Variants in GRM5 observed in about 807,000 individuals in gnomAD.
GRM5 encodes metabotropic glutamate receptor 5.
GRM5 carries 19 observed loss-of-function variants against 83.1 expected under a neutral mutation model. That is an observed-to-expected ratio of 0.23 (90% confidence interval 0.16 to 0.34). The LOEUF is 0.34. Among genes scored for constraint, GRM5 ranks in the 10% least tolerant of loss-of-function variants. The pLI is 1.00. For synonymous variants in GRM5, 675 were observed against 633.6 expected (o/e 1.07, Z -0.98); for missense variants, 1,160 against 1,588.3 (o/e 0.73, Z 4.58).
Position 88,881,699 on chromosome 11 carries a change from T to C in GRM5, c.662-31544A>G, listed in dbSNP as rs1446081665. ...AGTTCTCATTTAAATAGTGGCCATT[T>C]GTTTTGCTCTTGCTAACTTCAGCTT... On this transcript the variant is annotated intron_variant, in intron 2 of 9. Transcript: ENST00000305447. Among the ~76,000 whole-genome samples, 8 of 152,312 alleles carry C rather than the reference T, an allele frequency of 5.3e-5. No homozygotes were observed. In the East Asian group the frequency reaches 1.5e-3, roughly 29 times the overall value.
intron 3 of GRM5, among the ~76,000 whole-genome samples, chr11:88,832,763 T>C (rs1030254310): frequency 6.6e-5 from 10 of 151,972 alleles, no homozygotes; most frequent in African/African-American, 2.4e-4. Flanking sequence ...ATAGGAAAAA[T>C]GGTACATAGA....
At chr11:89,061,074 A>G (rs1267675920) in intron 1 of GRM5, among the ~76,000 whole-genome samples, 1 of 152,142 alleles carries the variant, frequency 6.6e-6, no homozygotes, top group Admixed American at 6.5e-5. Flanking sequence ...CAGCTTTATC[A>G]TATAACATAT....
intron 2 of GRM5, among the ~76,000 whole-genome samples, chr11:89,015,101 A>G (rs1940817329): frequency 6.6e-6 from 1 of 152,228 alleles, no homozygotes; most frequent in African/African-American, 2.4e-5. Context: ...GTGAGTTTAC[A>G]TATTACATAA....
rs1591375668 is a variant in GRM5 at position 88,603,519 on chromosome 11, A to AT, written c.1394+1198dup. On this transcript the variant is annotated intron_variant, in intron 5 of 9. Coordinates refer to ENST00000305447, the MANE Select transcript of GRM5 (RefSeq NM_001143831.3). Reference sequence around the variant, plus strand: ...TGTTTGGCCCTGAGAAAATGCTTGTATTTTTTTCCTTCATGGATATACGTA... The same window carrying AT: ...TGTTTGGCCCTGAGAAAATGCTTGTATTTTTTTTCCTTCATGGATATACGTA... 2.6e-5 allele frequency among the ~76,000 whole-genome samples: 4 copies of AT among 152,206 alleles called. No individual in the cohort carries two copies. In the South Asian group the frequency reaches 6.2e-4, roughly 24 times the overall value.
intron 3 of GRM5, among the ~76,000 whole-genome samples, chr11:88,700,694 A>T (rs10082580): frequency 0.79 from 120,119 of 152,014 alleles, 51,052 homozygotes; most frequent in Non-Finnish European, 0.96. Context: ...AATGTTGCAC[A>T]AGACAAAGGG....
At chr11:88,521,448 C>T (rs1941686984) in intron 9 of GRM5, among the ~76,000 whole-genome samples, 1 of 152,078 alleles carries the variant, frequency 6.6e-6, no homozygotes, top group African/African-American at 2.4e-5. Flanking sequence ...TCCAAGTACT[C>T]CAATGCCATG....
chr11:88,570,652 T>C (rs1942978776), intron 7 of GRM5, among the ~76,000 whole-genome samples: 1 of 142,938 alleles, frequency 7.0e-6, no homozygotes, highest in Non-Finnish European at 1.5e-5. Context: ...TGATCTTGGC[T>C]CACTGCAACC....
chr11:89,023,904 T>A (rs1357333347), intron 2 of GRM5, among the ~76,000 whole-genome samples: 1 of 149,950 alleles, frequency 6.7e-6, no homozygotes, highest in Admixed American at 6.7e-5. Flanking sequence ...TAAAAATAAA[T>A]TTTAAAATAA....
chr11:88,696,569 T>C (rs922737663), intron 3 of GRM5, among the ~76,000 whole-genome samples: 1 of 152,198 alleles, frequency 6.6e-6, no homozygotes, highest in African/African-American at 2.4e-5. Flanking sequence ...GAAGTGGTCA[T>C]CTGTAAGATA....
intron 4 of GRM5, among the ~76,000 whole-genome samples, chr11:88,628,451 T>A (rs1397416595): frequency 6.6e-6 from 1 of 152,230 alleles, no homozygotes; most frequent in Non-Finnish European, 1.5e-5. Flanking sequence ...AAAGAAATCA[T>A]GTGCCATTTA....
At position 88,619,413 on chromosome 11, in the gene GRM5, A is replaced by G. The variant is rs541618850; in HGVS notation, c.1148-14449T>C. Among the ~76,000 whole-genome samples the G allele has an allele frequency of 1.3e-4, 20 of 152,340 alleles. No individual in the cohort carries two copies. The South Asian group carries it at 4.1e-3, about 32-fold the overall frequency. On this transcript the variant is annotated intron_variant, in intron 4 of 9. Transcript: ENST00000305447. ...TTCTCTTGATAATTCAGAAGATGTG[A>G]CAACACTGGCTCCATATTCTCACAT...
intron 3 of GRM5, among the ~76,000 whole-genome samples, chr11:88,721,054 T>C (rs1276076484): frequency 6.6e-6 from 1 of 152,052 alleles, no homozygotes; most frequent in African/African-American, 2.4e-5. Flanking sequence ...TTTAAGTACA[T>C]TCTTTAACCT....
At chr11:88,825,900 A>G (rs960071059) in intron 3 of GRM5, among the ~76,000 whole-genome samples, 1 of 152,204 alleles carries the variant, frequency 6.6e-6, no homozygotes, top group Admixed American at 6.5e-5. Context: ...GGCATGCCCA[A>G]ACATTACTCT....
intron 8 of GRM5, among the ~76,000 whole-genome samples, chr11:88,545,552 C>T (rs1942369820): frequency 6.6e-6 from 1 of 151,764 alleles, no homozygotes; most frequent in Non-Finnish European, 1.5e-5. Context: ...CAATTTTACC[C>T]TTCAAACCTC....
intron 3 of GRM5, among the ~76,000 whole-genome samples, chr11:88,740,655 T>A (rs1942008125): frequency 6.6e-6 from 1 of 152,038 alleles, no homozygotes; most frequent in Non-Finnish European, 1.5e-5. Flanking sequence ...TTAGAGTCCA[T>A]GCTGTTAACA....
intron 2 of GRM5, among the ~76,000 whole-genome samples, chr11:88,897,829 CT>C (rs1945253378): frequency 6.6e-6 from 1 of 151,924 alleles, no homozygotes; most frequent in South Asian, 2.1e-4. Context: ...TTAATTCATC[CT>C]TAAAAGGTTT....
At chr11:88,672,823 G>A (rs953143246) in intron 3 of GRM5, among the ~76,000 whole-genome samples, 1 of 152,084 alleles carries the variant, frequency 6.6e-6, no homozygotes, top group East Asian at 1.9e-4. Flanking sequence ...GGACATGATT[G>A]AGACAGAATA....
At chr11:88,909,511 A>G (rs1945458768) in intron 2 of GRM5, among the ~76,000 whole-genome samples, 1 of 149,142 alleles carries the variant, frequency 6.7e-6, no homozygotes, top group Admixed American at 6.8e-5. Context: ...TTTTTAATAA[A>G]GCAGGATGTT....
intron 2 of GRM5, among the ~76,000 whole-genome samples, chr11:89,024,890 C>T (rs1941091427): frequency 6.6e-6 from 1 of 152,086 alleles, no homozygotes; most frequent in African/African-American, 2.4e-5. Context: ...GACTGTTAAA[C>T]AAGTGAATAT....
Sources: allele counts gnomAD v4.1 joint callset (sites outside exome capture counted in the v4.1 genomes callset), GRCh38; gene constraint gnomAD v4.1.1; transcripts MANE v1.5; gene names NCBI Gene and HGNC (gene_info 2026-07-23, HGNC 2026-07-21).